The following SLC39A11 variants were observed in gnomAD, a reference collection of about 807,000 sequenced individuals.
SLC39A11 encodes the protein zinc transporter ZIP11.
Under a neutral mutation model 36.1 loss-of-function variants are expected in SLC39A11, and 33 were observed. The ratio of observed to expected loss-of-function variants is 0.91; its 90% CI spans 0.69 to 1.22. The LOEUF (loss-of-function observed/expected upper bound fraction) is 1.22. SLC39A11 is among the 50% of genes most tolerant of loss of function. The probability of loss-of-function intolerance (pLI) is 0.00; values close to 1 mark genes in which losing one functional copy is unlikely to be tolerated. For missense variants in SLC39A11, 432 were observed against 430.3 expected (o/e 1.00, Z -0.03); for synonymous variants, 166 against 170.3 (o/e 0.97, Z 0.20).
At chr17:72,730,663 ATAT>A (rs1362750799) in intron 7 of SLC39A11, among the ~76,000 whole-genome samples, 2 of 151,960 alleles carry the variant, frequency 1.3e-5, no homozygotes, top group African/African-American at 2.4e-5. Flanking sequence ...ATTCACTAGC[ATAT>A]TATTATTTTT....
intron 7 of SLC39A11, among the ~76,000 whole-genome samples, chr17:72,707,824 C>T (rs533919792): frequency 2.0e-5 from 3 of 152,208 alleles, no homozygotes; most frequent in African/African-American, 7.2e-5. Flanking sequence ...AGCCTTGAAG[C>T]CTCTTTTTAT....
intron 6 of SLC39A11, among the ~76,000 whole-genome samples, chr17:72,790,655 C>T (rs1039358058): frequency 1.3e-5 from 2 of 151,984 alleles, no homozygotes; most frequent in Non-Finnish European, 2.9e-5. Context: ...CCTCAGCCTC[C>T]TGAGTAGCTG....
intron 3 of SLC39A11, among the ~76,000 whole-genome samples, chr17:73,043,399 A>G (rs543883648): frequency 6.6e-6 from 1 of 152,274 alleles, no homozygotes; most frequent in South Asian, 2.1e-4. Flanking sequence ...TTGTACTATA[A>G]AATCAACCTG....
chr17:72,900,041 AG>A (rs1383435158), intron 5 of SLC39A11, among the ~76,000 whole-genome samples: 7 of 146,736 alleles, frequency 4.8e-5, no homozygotes, highest in Middle Eastern at 3.4e-3. Flanking sequence ...AGAGAAAGAG[AG>A]AGAGAAAGAG....
At position 72,849,619 on chromosome 17, in the gene SLC39A11, C is replaced by T. The variant is rs377363641; in HGVS notation, c.601+15G>A. 1,053 of 1,464,480 alleles carry T rather than the reference C, an allele frequency of 7.2e-4. 2 individuals are homozygous for T. Among genetic ancestry groups the T allele is most frequent in the Non-Finnish European group, 9.1e-4 (1,004 of 1,102,344 alleles). 90.7% of individuals were successfully genotyped at this position (1,464,480 alleles called of 1,614,324 possible). A position where few individuals can be genotyped will look rare whatever the true frequency, so the allele number is the denominator to read the frequency against. ...CTTCAGGCAGTGGCTGTCACGCTCA[C>T]GGGCAAGACCTCACCTGGAACGTTG... On this transcript the variant is annotated intron_variant, in intron 6 of 9. Transcript: ENST00000255559.
intron 5 of SLC39A11, among the ~76,000 whole-genome samples, chr17:72,876,073 T>A (rs1049935933): frequency 2.0e-5 from 3 of 152,204 alleles, no homozygotes; most frequent in African/African-American, 4.8e-5. Context: ...GCTGCTACTC[T>A]TGTCACACTG....
intron 5 of SLC39A11, among the ~76,000 whole-genome samples, chr17:72,914,849 C>A (rs1567944542): frequency 1.7e-5 from 2 of 119,980 alleles, no homozygotes; most frequent in Middle Eastern, 4.3e-3. Context: ...GCCTGGGCGA[C>A]AGAGCCAGAC....
rs540665550 is a variant in SLC39A11 at position 72,665,174 on chromosome 17, C to T, written c.672-15906G>A. ...GTGCCTACATGATGAGGAACTGAGA[C>T]TTCCTGCCAACAGCCATGGGAGTGC... On this transcript the variant is annotated intron_variant, in intron 7 of 9. Transcript: ENST00000255559. Among the ~76,000 whole-genome samples the T allele has an allele frequency of 1.2e-4, 18 of 152,262 alleles. No individual in the cohort carries two copies. The South Asian group carries it at 3.7e-3, about 32-fold the overall frequency.
At chr17:72,890,002 G>A (rs2081640294) in intron 5 of SLC39A11, among the ~76,000 whole-genome samples, 1 of 152,082 alleles carries the variant, frequency 6.6e-6, no homozygotes, top group Non-Finnish European at 1.5e-5. Context: ...GCTCACACCT[G>A]TAATCCCAGC....
At chr17:72,829,759 T>A (rs1365066989) in intron 6 of SLC39A11, among the ~76,000 whole-genome samples, 1 of 152,064 alleles carries the variant, frequency 6.6e-6, no homozygotes, top group Non-Finnish European at 1.5e-5. Flanking sequence ...CCCATGGCAC[T>A]CACACCCCTA....
chr17:72,680,041 CAAAAAAAAAAAAAAAAA>C (rs199650969), intron 7 of SLC39A11, among the ~76,000 whole-genome samples: 2 of 71,664 alleles, frequency 2.8e-5, no homozygotes, highest in Admixed American at 1.5e-4. Context: ...GACTCTGTCT[CAAAAAAAAAAAAAAAAA>C]AAAAAAAAAA....
chr17:72,815,835 C>T (rs1189074904), intron 6 of SLC39A11, among the ~76,000 whole-genome samples: 1 of 152,086 alleles, frequency 6.6e-6, no homozygotes, highest in Non-Finnish European at 1.5e-5. Flanking sequence ...GCAGGAGAAT[C>T]GCTTGAACCT....
intron 6 of SLC39A11, among the ~76,000 whole-genome samples, chr17:72,837,147 G>A (rs1475462397): frequency 1.3e-5 from 2 of 152,042 alleles, no homozygotes; most frequent in African/African-American, 4.8e-5. Flanking sequence ...ACCAATGTCA[G>A]CAGCAGCAGC....
intron 7 of SLC39A11, among the ~76,000 whole-genome samples, chr17:72,722,149 C>G (rs2073710431): frequency 6.6e-6 from 1 of 152,022 alleles, no homozygotes; most frequent in Admixed American, 6.6e-5. Flanking sequence ...GCTAATGATT[C>G]TCTTTTGGGA....
At chr17:72,890,364 T>C (rs8081043) in intron 5 of SLC39A11, among the ~76,000 whole-genome samples, 8,118 of 151,426 alleles carry the variant, frequency 0.054, 745 homozygotes, top group African/African-American at 0.18. Flanking sequence ...TAACTAGGGA[T>C]TCAACTAGAC....
At chr17:72,788,162 G>C (rs1221549718) in intron 6 of SLC39A11, among the ~76,000 whole-genome samples, 2 of 152,072 alleles carry the variant, frequency 1.3e-5, no homozygotes, top group Non-Finnish European at 2.9e-5. Context: ...TGGGTCCTAG[G>C]CCAATCCTTT....
intron 6 of SLC39A11, among the ~76,000 whole-genome samples, chr17:72,812,926 C>T (rs900242593): frequency 1.3e-5 from 2 of 149,286 alleles, no homozygotes; most frequent in Non-Finnish European, 2.9e-5. Context: ...CTACACAGTC[C>T]GATGAACAAG....
In SLC39A11 at chr17:72,905,528, C is replaced by T. The variant is rs552259228; in HGVS notation, c.430+42224G>A. ...AGAAGAACTGCTTGAACCTGGGGGA[C>T]GGAGGTTGCAGTAAGCCAAGATCTC... is the stretch of plus-strand genomic sequence containing the variant. On this transcript the variant is annotated intron_variant, in intron 5 of 9. Transcript: ENST00000255559. Among the ~76,000 whole-genome samples, 561 of 151,410 alleles carry T rather than the reference C, an allele frequency of 3.7e-3. 1 individual carries two copies. Among genetic ancestry groups the T allele is most frequent in the Non-Finnish European group, 6.4e-3 (435 of 67,896 alleles).
At chr17:72,955,469 ATTTTTTT>A (rs57079729) in intron 4 of SLC39A11, among the ~76,000 whole-genome samples, 4 of 128,684 alleles carry the variant, frequency 3.1e-5, no homozygotes, top group Non-Finnish European at 4.8e-5. Flanking sequence ...CGTCTGGCTA[ATTTTTTT>A]TTTTTTTTTT....
Sources: gnomAD v4.1 joint callset for allele counts (sites outside exome capture counted in the v4.1 genomes callset) on GRCh38, gnomAD v4.1.1 for gene constraint, MANE v1.5 for transcripts, NCBI Gene and HGNC (gene_info 2026-07-23, HGNC 2026-07-21) for gene names.